The following HERC1 variants were observed in gnomAD, a reference collection of about 807,000 sequenced individuals.
The protein encoded by HERC1 is HECT and RLD domain containing E3 ubiquitin protein ligase family member 1.
In HERC1, 160 loss-of-function variants were observed where a neutral mutation model predicts 554.3. The observed-to-expected ratio is 0.29, with a 90% CI of 0.25 to 0.33. The LOEUF (loss-of-function observed/expected upper bound fraction) is 0.33. HERC1 is among the 10% of genes least tolerant of loss of function. The pLI, the probability that HERC1 is intolerant of heterozygous loss-of-function variation, is 1.00. For synonymous variants in HERC1, 2,175 were observed against 2,131.7 expected, an observed-to-expected ratio of 1.02 and a Z score of -0.56; for missense variants, 4,919 against 5,918.5, an observed-to-expected ratio of 0.83 and a Z score of 5.54.
At position 63,654,111 on chromosome 15, in the gene HERC1, ATACT is replaced by A; in HGVS notation, c.10290+4_10290+7del. 1 of 1,604,158 alleles carries A rather than the reference ATACT, an allele frequency of 6.2e-7. No homozygotes were observed. The highest frequency in any genetic ancestry group is 8.5e-7 in the Non-Finnish European group (1 of 1,171,248). The stretch of plus-strand genomic sequence containing the variant: ...GTGATTAACACACTTTCCACTCAAA[ATACT>A]TACTCTGTTCTGATGAGCCTCCAAT... On this transcript the variant is annotated splice_donor_5th_base_variant and intron_variant, in intron 51 of 77. Coordinates refer to ENST00000443617, the MANE Select transcript of HERC1 (RefSeq NM_003922.4).
intron 25 of HERC1, among the ~76,000 whole-genome samples, chr15:63,700,521 G>A (rs757851511): frequency 2.6e-4 from 40 of 151,624 alleles, no homozygotes; most frequent in Admixed American, 7.9e-4. Flanking sequence ...TTCAAAATTC[G>A]TAACACGGAG....
intron 7 of HERC1, 40 bp downstream of exon 7, chr15:63,754,465 G>GA: frequency 6.6e-7 from 1 of 1,516,274 alleles, no homozygotes; most frequent in Non-Finnish European, 8.8e-7. Context: ...AAAAACTCAA[G>GA]AAAAAAGCCA....
chr15:63,633,341 T>C (rs1259205269), intron 67 of HERC1, among the ~76,000 whole-genome samples: 4 of 152,194 alleles, frequency 2.6e-5, no homozygotes, highest in Admixed American at 6.5e-5. Flanking sequence ...CATAAAACAA[T>C]CACATAGAAG....
chr15:63,694,533 C>A lies in HERC1; in HGVS notation c.5259G>T (p.Leu1753=). Residue 1753 remains leucine, a synonymous_variant, in exon 29 of 78, where the codon CTG becomes CTT. Transcript: ENST00000443617. This position sits in a 1 kb window ranked among gnomAD's most constrained non-coding sequence, Gnocchi z 4.3. ...TTAGGGCAAAAACTGTAACCAGAAGCAGACGTTGCTGGGCTTCTAAAAGAC... is the reference window on the plus strand; with the variant it reads ...TTAGGGCAAAAACTGTAACCAGAAGAAGACGTTGCTGGGCTTCTAAAAGAC... ...NKHHIEAQQR[L]LLVTVFALSV... is the part of the protein sequence containing the mutation. The A allele has an allele frequency of 6.2e-7, 1 of 1,613,962 alleles. No homozygotes were observed. Among genetic ancestry groups the A allele is most frequent in the Non-Finnish European group, 8.5e-7 (1 of 1,179,830 alleles).
At chr15:63,794,072 C>G (rs1300345349) in intron 1 of HERC1, among the ~76,000 whole-genome samples, 2 of 152,152 alleles carry the variant, frequency 1.3e-5, no homozygotes, top group East Asian at 3.9e-4. Context: ...GTTTACAAAT[C>G]CCATGGCACT....
At position 63,826,799 on chromosome 15, in the gene HERC1, AAAAAAAAAAAAAAAAATATATATAT is replaced by A. The variant is rs1302774465; in HGVS notation, c.-27+7003_-27+7027del. On this transcript the variant is annotated intron_variant, in intron 1 of 77. Coordinates refer to ENST00000443617, the MANE Select transcript of HERC1 (RefSeq NM_003922.4). ...TTATCTCTGGTAAAAAAAAAAAAAA[AAAAAAAAAAAAAAAAATATATATAT>A]ATATATATATATATATATAAAGTAT... Among the ~76,000 whole-genome samples the A allele has an allele frequency of 3.6e-3, 283 of 79,566 alleles. 3 individuals carry two copies. Among genetic ancestry groups the A allele is most frequent in the African/African-American group, 0.013 (231 of 18,320 alleles). The allele number at this position is 79,566 out of a possible 152,430, so 52.2% of individuals were successfully genotyped here.
chr15:63,648,089 C>T lies in HERC1; in HGVS notation c.10858G>A (p.Val3620Ile), dbSNP rs766095632. The T allele has an allele frequency of 1.2e-5, 19 of 1,560,070 alleles. No individual in the cohort carries two copies. Among genetic ancestry groups the T allele is most frequent in the East Asian group, 4.7e-5 (2 of 42,336 alleles). The change falls in exon 55 of 78, where the codon GTT (valine) becomes ATT (isoleucine). Residue 3620 changes from valine to isoleucine, a missense_variant. Physicochemically the swap from Val to Ile is conservative, Grantham distance 29 (BLOSUM62 3). Coordinates refer to ENST00000443617, the MANE Select transcript of HERC1 (RefSeq NM_003922.4). ...TKEPLEKGGIVLIDAHKDTLI... is the reference protein window; with the variant it reads ...TKEPLEKGGIILIDAHKDTLI... ...TTTACCTTATGTGCATCAATTAGAA[C>T]AATGCCTCCTTTCTCAAGTGGTTCC... is the stretch of plus-strand genomic sequence containing the variant.
chr15:63,686,672 G>T, intron 33 of HERC1, 137 bp from the exon 34 acceptor site: 1 of 669,352 alleles, frequency 1.5e-6, no homozygotes, highest in African/African-American at 1.8e-5. Flanking sequence ...AGGGCAACAG[G>T]AACACAATGA....
chr15:63,678,215 T>C lies in HERC1; in HGVS notation c.6700A>G (p.Asn2234Asp). 1 of 1,613,926 alleles carries C rather than the reference T, an allele frequency of 6.2e-7. No individual in the cohort carries two copies. The highest frequency in any genetic ancestry group is 8.5e-7 in the Non-Finnish European group (1 of 1,179,852). ...TGAAGCCTTTCCATCATTTTTTTGT[T>C]AATGCAGTAAGTCCAACGGTCTGTT... ...HRTDRWTYCI[N>D]KKMMERLHKI... is the part of the protein sequence containing the mutation. The change falls in exon 37 of 78, where the codon AAC becomes GAC. Residue 2234 changes from asparagine to aspartate, a missense_variant. Asn to Asp is a conservative substitution (Grantham distance 23). Transcript: ENST00000443617.
chr15:63,748,788 T>C (rs7175717), intron 10 of HERC1, among the ~76,000 whole-genome samples: 77,682 of 151,906 alleles, frequency 0.51, 20,772 homozygotes, highest in Non-Finnish European at 0.55. Context: ...AATTAGCCCA[T>C]GTGTATCTGA....
At chr15:63,609,951 A>G (rs1167039604) in intron 77 of HERC1, among the ~76,000 whole-genome samples, 2 of 152,188 alleles carry the variant, frequency 1.3e-5, no homozygotes, top group Non-Finnish European at 2.9e-5. Flanking sequence ...ACATCATATA[A>G]AAATTTGTAC....
At chr15:63,671,825 G>A (rs2070943904) in intron 39 of HERC1, among the ~76,000 whole-genome samples, 1 of 152,166 alleles carries the variant, frequency 6.6e-6, no homozygotes, top group African/African-American at 2.4e-5. Flanking sequence ...GAAGAAAAAG[G>A]GAGGCTAACC....
In HERC1 at chr15:63,774,770, T is replaced by G; in HGVS notation, c.854A>C (p.Lys285Thr). 3.7e-6 allele frequency: 6 copies of G among 1,613,994 alleles called. No individual in the cohort carries two copies. The highest frequency in any genetic ancestry group is 5.1e-6 in the Non-Finnish European group (6 of 1,179,882). Residue 285 changes from lysine to threonine, a missense_variant, in exon 2 of 78, where the codon AAA becomes ACA. Physicochemically the swap from Lys to Thr is moderately conservative, Grantham distance 78. Around this residue, in one of 11 missense-constraint regions of HERC1, gnomAD observed 744 missense variants for 1,090.0 expected, o/e 0.68. Transcript: ENST00000443617. Reference protein sequence around the residue: ...SAVVHTMEKGKLLSSQEGMIS... With the variant: ...SAVVHTMEKGTLLSSQEGMIS... Reference sequence around the variant, plus strand: ...CATTCCTTCCTGGCTTGAGAGTAGTTTGCCTTTCTCCATGGTGTGTACAAC... The same window carrying G: ...CATTCCTTCCTGGCTTGAGAGTAGTGTGCCTTTCTCCATGGTGTGTACAAC...
At chr15:63,675,181 G>A in intron 37 of HERC1, 64 bp from the exon 38 acceptor site, 2 of 1,360,686 alleles carry the variant, frequency 1.5e-6, no homozygotes, top group South Asian at 1.4e-5. Flanking sequence ...GGAAGGTACG[G>A]AAAATAATGT....
intron 25 of HERC1, among the ~76,000 whole-genome samples, chr15:63,705,512 A>C (rs900431988): frequency 1.3e-5 from 2 of 152,152 alleles, no homozygotes; most frequent in Non-Finnish European, 2.9e-5. Context: ...GAAAATGAAA[A>C]AATTATGTGT....
chr15:63,609,481 A>G (rs1595804717), intron 77 of HERC1, among the ~76,000 whole-genome samples: 1 of 152,048 alleles, frequency 6.6e-6, no homozygotes, highest in Admixed American at 6.5e-5. Flanking sequence ...TCTTGTCCTC[A>G]CCTCCTCCAG....
intron 1 of HERC1, among the ~76,000 whole-genome samples, chr15:63,778,319 C>T (rs1220815592): frequency 6.6e-6 from 1 of 152,040 alleles, no homozygotes; most frequent in Non-Finnish European, 1.5e-5. Flanking sequence ...AAATCCACAC[C>T]GTATCTGAAA....
intron 43 of HERC1, 112 bp from the exon 44 acceptor site, chr15:63,663,316 T>C: frequency 1.2e-6 from 1 of 859,530 alleles, no homozygotes; most frequent in African/African-American, 1.7e-5. Flanking sequence ...AGTTGTCTTA[T>C]TGGATCTCAG....
intron 25 of HERC1, among the ~76,000 whole-genome samples, chr15:63,701,171 T>C (rs1327279457): frequency 6.6e-6 from 1 of 152,172 alleles, no homozygotes; most frequent in Non-Finnish European, 1.5e-5. Context: ...TTAAAGATTA[T>C]TTAGTCCAAT....
Sources: gnomAD v4.1 joint callset for allele counts (sites outside exome capture counted in the v4.1 genomes callset) on GRCh38, gnomAD v4.1.1 for gene constraint, gnomAD v4.1.1 regional missense constraint, Gnocchi (gnomAD v3.1) non-coding constraint, MANE v1.5 for transcripts, NCBI Gene and HGNC (gene_info 2026-07-23, HGNC 2026-07-21) for gene names.